The following PPP6R3 variants were observed in gnomAD, a reference collection of about 807,000 sequenced individuals.
The protein encoded by PPP6R3 is protein phosphatase 6 regulatory subunit 3, also known as serine/threonine-protein phosphatase 6 regulatory subunit 3.
PPP6R3 carries 38 observed loss-of-function variants against 110.7 expected under a neutral mutation model. The ratio of observed to expected loss-of-function variants is 0.34; its 90% CI spans 0.26 to 0.45. The LOEUF is 0.45. Ranked by LOEUF, PPP6R3 falls within the 20% of genes least tolerant of loss-of-function variation. PPP6R3 has a pLI of 1.00. For missense variants in PPP6R3, 870 were observed against 1,062.4 expected (o/e 0.82, Z 2.52); for synonymous variants, 369 against 373.5 (o/e 0.99, Z 0.14).
chr11:68,600,205 C>A (rs146771278), intron 19 of PPP6R3, 136 bp from the exon 20 acceptor site: 7 of 946,368 alleles, frequency 7.4e-6, no homozygotes, highest in Non-Finnish European at 9.9e-6. Flanking sequence ...GTGCCCTGTC[C>A]GCTCCTGCCC....
chr11:68,614,581 G>T lies in PPP6R3; in HGVS notation c.*1464G>T. On this transcript the variant is annotated 3_prime_UTR_variant, in exon 24 of 24. Transcript: ENST00000393800. Reference sequence around the variant, plus strand: ...CATTACATTGCATATGGAAATAAAAGAATCAAACGTCTAATGCCTTATTAT... The same window carrying T: ...CATTACATTGCATATGGAAATAAAATAATCAAACGTCTAATGCCTTATTAT... 2 of 1,506,506 alleles carry T rather than the reference G, an allele frequency of 1.3e-6. No individual in the cohort carries two copies. The highest frequency in any genetic ancestry group is 1.8e-6 in the Non-Finnish European group (2 of 1,137,012). 93.3% of individuals were successfully genotyped at this position (1,506,506 alleles called of 1,614,324 possible).
chr11:68,490,819 T>A (rs146853357), intron 1 of PPP6R3, among the ~76,000 whole-genome samples: 1 of 152,200 alleles, frequency 6.6e-6, no homozygotes, highest in African/African-American at 2.4e-5. Flanking sequence ...AATTTCCATC[T>A]CTCTGCTTAT....
chr11:68,520,856 C>G (rs2099160675), intron 2 of PPP6R3, among the ~76,000 whole-genome samples: 1 of 152,146 alleles, frequency 6.6e-6, no homozygotes, highest in South Asian at 2.1e-4. Flanking sequence ...ACTGCAATCT[C>G]CACCTCCCGG....
chr11:68,572,368 ACTTTC>A (rs2099510778), intron 12 of PPP6R3, among the ~76,000 whole-genome samples: 1 of 152,006 alleles, frequency 6.6e-6, no homozygotes, highest in African/African-American at 2.4e-5. Flanking sequence ...TCCCGAAAGA[ACTTTC>A]CTTGTTTCCT....
chr11:68,464,714 C>T (rs1243256841), intron 1 of PPP6R3, among the ~76,000 whole-genome samples: 1 of 151,870 alleles, frequency 6.6e-6, no homozygotes, highest in Non-Finnish European at 1.5e-5. Context: ...TTTTTCTTAA[C>T]CTCATGAAAA....
Position 68,547,993 on chromosome 11 carries a change from G to C in PPP6R3, c.415-74G>C, listed in dbSNP as rs1030011670. ...TAGTGGTAGAATTTGGAGGAGTCGG[G>C]GTTGGGACTTAAAAGGTAAAGTTTA... On this transcript the variant is annotated intron_variant, in intron 4 of 23. Coordinates refer to ENST00000393800, the MANE Select transcript of PPP6R3 (RefSeq NM_001164161.2). 1.4e-5 allele frequency: 20 copies of C among 1,442,324 alleles called. No individual in the cohort carries two copies. The African/African-American group carries it at 2.9e-4, about 21-fold the overall frequency. 89.3% of individuals were successfully genotyped at this position (1,442,324 alleles called of 1,614,324 possible).
intron 1 of PPP6R3, among the ~76,000 whole-genome samples, chr11:68,514,396 T>C (rs982442528): frequency 1.3e-5 from 2 of 152,134 alleles, no homozygotes; most frequent in African/African-American, 4.8e-5. Flanking sequence ...TTGCTTTTTT[T>C]TTTAACCTAT....
intron 22 of PPP6R3, among the ~76,000 whole-genome samples, chr11:68,606,864 A>G (rs574328300): frequency 6.6e-6 from 1 of 152,372 alleles, no homozygotes; most frequent in Non-Finnish European, 1.5e-5. Context: ...AGTCAGTAGC[A>G]AACTTGTAAC....
At chr11:68,492,896 A>G (rs533538204) in intron 1 of PPP6R3, among the ~76,000 whole-genome samples, 2 of 152,278 alleles carry the variant, frequency 1.3e-5, no homozygotes, top group African/African-American at 2.4e-5. Context: ...CTGTGTTACT[A>G]TATTTTCCTG....
At chr11:68,577,013 A>G (rs1022588630) in intron 14 of PPP6R3, among the ~76,000 whole-genome samples, 3 of 152,194 alleles carry the variant, frequency 2.0e-5, no homozygotes, top group Non-Finnish European at 4.4e-5. Context: ...ACAGAGTCAC[A>G]CTTTTTAAGC....
intron 1 of PPP6R3, among the ~76,000 whole-genome samples, chr11:68,474,994 T>C (rs2098817962): frequency 6.6e-6 from 1 of 151,970 alleles, no homozygotes; most frequent in African/African-American, 2.4e-5. Flanking sequence ...AGGACAACAG[T>C]GGAGGGAAGG....
At chr11:68,518,676 G>A (rs1489281313) in intron 1 of PPP6R3, among the ~76,000 whole-genome samples, 1 of 152,042 alleles carries the variant, frequency 6.6e-6, no homozygotes, top group African/African-American at 2.4e-5. Context: ...TTGCACCGAG[G>A]CCTGTTACTG....
chr11:68,559,330 G>T (rs1389706285), intron 8 of PPP6R3, among the ~76,000 whole-genome samples: 1 of 152,242 alleles, frequency 6.6e-6, no homozygotes, highest in Non-Finnish European at 1.5e-5. Context: ...TTTATGTCCA[G>T]TGCAGATTTA....
chr11:68,559,775 C>T (rs1183755412), intron 8 of PPP6R3, among the ~76,000 whole-genome samples: 1 of 151,926 alleles, frequency 6.6e-6, no homozygotes, highest in Non-Finnish European at 1.5e-5. Context: ...CTTCCCACCC[C>T]AGGGGTACAG....
In PPP6R3 at chr11:68,511,463, A is replaced by AGTGTGTGTGTGTGTGTGTGTGTGTGT. The variant is rs111457206; in HGVS notation, c.-157-8031_-157-8006dup. On this transcript the variant is annotated intron_variant, in intron 1 of 23. Coordinates refer to ENST00000393800, the MANE Select transcript of PPP6R3 (RefSeq NM_001164161.2). The stretch of plus-strand genomic sequence containing the variant: ...CTCTGGAAATGTGTTACTGTGTTAG[A>AGTGTGTGTGTGTGTGTGTGTGTGTGT]GTGTGTGTGTGTGTGTGTGTGTGTG... 8.0e-3 allele frequency among the ~76,000 whole-genome samples: 1,107 copies of AGTGTGTGTGTGTGTGTGTGTGTGTGT among 138,526 alleles called. 9 individuals are homozygous for AGTGTGTGTGTGTGTGTGTGTGTGTGT. The highest frequency in any genetic ancestry group is 0.01 in the African/African-American group (374 of 36,866). 90.9% of individuals were successfully genotyped at this position (138,526 alleles called of 152,430 possible). A position where few individuals can be genotyped will look rare whatever the true frequency, so the allele number is the denominator to read the frequency against.
intron 11 of PPP6R3, among the ~76,000 whole-genome samples, chr11:68,570,546 T>C (rs1341101961): frequency 6.6e-6 from 1 of 152,244 alleles, no homozygotes; most frequent in Non-Finnish European, 1.5e-5. Flanking sequence ...CCTACAGCAG[T>C]TGTCACTGAC....
intron 2 of PPP6R3, among the ~76,000 whole-genome samples, chr11:68,519,957 C>T (rs1191948684): frequency 2.0e-5 from 3 of 152,178 alleles, no homozygotes; most frequent in Non-Finnish European, 4.4e-5. Flanking sequence ...GAGAAAGACT[C>T]GCCGCCCAGG....
chr11:68,462,610 TG>T (rs1305485856), intron 1 of PPP6R3, among the ~76,000 whole-genome samples: 23 of 152,184 alleles, frequency 1.5e-4, no homozygotes, highest in Non-Finnish European at 2.2e-4. Context: ...AAAGATAGTT[TG>T]GGAAATAGCT....
At chr11:68,520,118 AT>A (rs1391965295) in intron 2 of PPP6R3, among the ~76,000 whole-genome samples, 2 of 152,198 alleles carry the variant, frequency 1.3e-5, no homozygotes, top group Non-Finnish European at 2.9e-5. Flanking sequence ...TAGAGATTGA[AT>A]TTGCATATTT....
Sources: gnomAD v4.1 joint callset for allele counts (sites outside exome capture counted in the v4.1 genomes callset) on GRCh38, gnomAD v4.1.1 for gene constraint, MANE v1.5 for transcripts, NCBI Gene and HGNC (gene_info 2026-07-23, HGNC 2026-07-21) for gene names.